TRPV4: variants seen among roughly 807,000 people sequenced by gnomAD.
The protein encoded by TRPV4 is OSM9-like transient receptor potential channel 4.
Under a neutral mutation model 84.1 loss-of-function variants are expected in TRPV4, and 58 were observed. The observed-to-expected ratio is 0.69, with a 90% confidence interval of 0.56 to 0.86. The LOEUF is 0.86. TRPV4 is among the 40% of genes least tolerant of loss of function. The pLI is 0.00. For synonymous variants in TRPV4, 489 were observed against 500.9 expected (o/e 0.98, Z 0.32); for missense variants, 879 against 1,181.1 (o/e 0.74, Z 3.75).
At position 109,794,405 on chromosome 12, in the gene TRPV4, T is replaced by C. The variant is rs1380163875; in HGVS notation, c.1415A>G (p.Tyr472Cys). ...ACACAGGTAGGAGACCACGTTGATG[T>C]AGAAGGAGACGGCCCCGAACTTGCG... ...KWRKFGAVSF[Y>C]INVVSYLCAM... is the part of the protein sequence containing the mutation. The change falls in exon 8 of 16, where the codon TAC (tyrosine) becomes TGC (cysteine). Residue 472 changes from tyrosine (Y) to cysteine (C), a missense_variant. By Grantham distance (194) the Tyr-to-Cys change is radical. This residue lies in a region of TRPV4 where 521 missense variants were observed against 686.6 expected (regional missense o/e 0.76). Transcript: ENST00000261740. The C allele has an allele frequency of 1.2e-6, 2 of 1,614,006 alleles. No homozygotes were observed. Among genetic ancestry groups the C allele is most frequent in the East Asian group, 2.2e-5 (1 of 44,858 alleles).
intron 1 of TRPV4, among the ~76,000 whole-genome samples, chr12:109,817,236 G>A (rs1891895058): frequency 6.6e-6 from 1 of 152,162 alleles, no homozygotes; most frequent in Non-Finnish European, 1.5e-5. Flanking sequence ...GGCATTGGCG[G>A]GAGGTGGATT....
chr12:109,832,139 G>A (rs1230534014), intron 1 of TRPV4, among the ~76,000 whole-genome samples: 1 of 152,164 alleles, frequency 6.6e-6, no homozygotes, highest in African/African-American at 2.4e-5. Flanking sequence ...GAACACAAAG[G>A]CTCAGACAGC....
rs1253906325 is a variant in TRPV4 at position 109,815,668 on chromosome 12, A to C, written c.-31-841T>G. On this transcript the variant is annotated intron_variant, in intron 1 of 15. Coordinates refer to ENST00000261740, the MANE Select transcript of TRPV4 (RefSeq NM_021625.5). This position sits in a 1 kb window ranked among gnomAD's most constrained non-coding sequence, Gnocchi z 4.1. Reference sequence around the variant, plus strand: ...CAGGATCCATGCTCCTCTCCTCAGAAGCTTTATCCCAGCTGTTCACGGGAT... The same window carrying C: ...CAGGATCCATGCTCCTCTCCTCAGACGCTTTATCCCAGCTGTTCACGGGAT... Among the ~76,000 whole-genome samples the C allele has an allele frequency of 6.6e-6, 1 of 152,176 alleles. No homozygotes were observed. The highest frequency in any genetic ancestry group is 1.5e-5 in the Non-Finnish European group (1 of 68,028).
intron 12 of TRPV4, among the ~76,000 whole-genome samples, 198 bp from the exon 13 acceptor site, chr12:109,788,914 C>G (rs183483766): frequency 1.8e-4 from 28 of 152,312 alleles, no homozygotes; most frequent in Non-Finnish European, 4.0e-4. Flanking sequence ...ACCTTTGAAG[C>G]CTTTCCATAA....
rs1341487156 is a variant in TRPV4, at chr12:109,798,523, A to C, written c.1152+91T>G. On this transcript the variant is annotated intron_variant, in intron 6 of 15. Transcript: ENST00000261740. The surrounding 1 kb of genome is among the most constrained non-coding windows in gnomAD (Gnocchi z 5.0). ...GGCATGTTGGGAGGTGCATGCACGTATTAATAATGAATACCAGCAGCAGAC... is the reference window on the plus strand; with the variant it reads ...GGCATGTTGGGAGGTGCATGCACGTCTTAATAATGAATACCAGCAGCAGAC... 1 of 1,521,228 alleles carries C rather than the reference A, an allele frequency of 6.6e-7. No homozygotes were observed. The highest frequency in any genetic ancestry group is 8.9e-7 in the Non-Finnish European group (1 of 1,117,958). The allele number at this position is 1,521,228 out of a possible 1,614,324, so 94.2% of individuals were successfully genotyped here. A position where few individuals can be genotyped will look rare whatever the true frequency, so the allele number is the denominator to read the frequency against.
In TRPV4 at chr12:109,783,640, G is replaced by A. The variant is rs1430606353; in HGVS notation, c.2597C>T (p.Thr866Ile). The change falls in exon 16 of 16, where the codon ACT becomes ATT. Residue 866 changes from threonine to isoleucine, a missense_variant. Around this residue, in one of 4 missense-constraint regions of TRPV4, gnomAD observed 242 missense variants for 355.3 expected, o/e 0.68. Coordinates refer to ENST00000261740, the MANE Select transcript of TRPV4 (RefSeq NM_021625.5). This position sits in a 1 kb window ranked among gnomAD's most constrained non-coding sequence, Gnocchi z 4.6. ...HQQGYPRKWR[T>I]DDAPL ...CAGTCCCTAGAGCGGGGCGTCATCA[G>A]TCCTCCACTTGCGGGGGTAACCCTG... 5 of 1,613,734 alleles carry A rather than the reference G, an allele frequency of 3.1e-6. No individual in the cohort carries two copies. The highest frequency in any genetic ancestry group is 4.2e-6 in the Non-Finnish European group (5 of 1,179,986).
chr12:109,792,522 T>C, intron 11 of TRPV4, 93 bp from the exon 12 acceptor site: 1 of 1,566,736 alleles, frequency 6.4e-7, no homozygotes, highest in African/African-American at 1.4e-5. Context: ...CCCACCCCAG[T>C]GTCCAGACCA....
chr12:109,804,494 T>C (rs1006875780), intron 3 of TRPV4, among the ~76,000 whole-genome samples: 24 of 152,182 alleles, frequency 1.6e-4, no homozygotes, highest in African/African-American at 5.8e-4. Flanking sequence ...AGCTAATCAG[T>C]GTTTGTTGAT....
intron 1 of TRPV4, among the ~76,000 whole-genome samples, chr12:109,824,530 C>T (rs993052400): frequency 7.9e-5 from 12 of 151,834 alleles, no homozygotes; most frequent in South Asian, 2.1e-4. Flanking sequence ...CCGAGGTGGG[C>T]GGATCACTTG....
chr12:109,801,070 T>C (rs1434727018), intron 4 of TRPV4, among the ~76,000 whole-genome samples: 26 of 152,192 alleles, frequency 1.7e-4, no homozygotes, highest in Admixed American at 1.5e-3. Context: ...TCCCAGCAAT[T>C]TGGGAGACCA....
Position 109,815,002 on chromosome 12 carries a change from G to A in TRPV4, c.-31-175C>T, listed in dbSNP as rs1891779936. The A allele has an allele frequency of 3.2e-6, 2 of 626,096 alleles. No homozygotes were observed. The highest frequency in any genetic ancestry group is 1.8e-5 in the African/African-American group (1 of 54,232). 38.8% of individuals were successfully genotyped at this position (626,096 alleles called of 1,614,324 possible). A position where few individuals can be genotyped will look rare whatever the true frequency, so the allele number is the denominator to read the frequency against. On this transcript the variant is annotated intron_variant, in intron 1 of 15. Transcript: ENST00000261740. This position sits in a 1 kb window ranked among gnomAD's most constrained non-coding sequence, Gnocchi z 4.1. ...GTGGTTGGCCGCCAGCCTCAGGCGG[G>A]AACTGCAACAGGAGCCTCTTTCACG...
chr12:109,808,536 TAGGGACCC>T (rs1891289918), intron 2 of TRPV4, 68 bp from the exon 3 acceptor site: 1 of 1,507,544 alleles, frequency 6.6e-7, no homozygotes, highest in African/African-American at 1.4e-5. Flanking sequence ...TCCCTGGCCT[TAGGGACCC>T]AGAGACTGTG....
Position 109,786,588 on chromosome 12 carries a change from G to T in TRPV4, c.2336+122C>A. On this transcript the variant is annotated intron_variant, in intron 14 of 15. Transcript: ENST00000261740. This position sits in a 1 kb window ranked among gnomAD's most constrained non-coding sequence, Gnocchi z 4.5. The stretch of plus-strand genomic sequence containing the variant: ...CCTGGTGGAAATGAACTCTGCTCGG[G>T]CCTCTTGGGGCCTCAGTGGCTCCAG... 1.5e-6 allele frequency: 2 copies of T among 1,302,478 alleles called. No individual in the cohort carries two copies. The highest frequency in any genetic ancestry group is 2.1e-6 in the Non-Finnish European group (2 of 931,652). The allele number at this position is 1,302,478 out of a possible 1,614,324, so 80.7% of individuals were successfully genotyped here. A position where few individuals can be genotyped will look rare whatever the true frequency, so the allele number is the denominator to read the frequency against.
chr12:109,822,047 G>T (rs1892117955), intron 1 of TRPV4, among the ~76,000 whole-genome samples: 1 of 152,156 alleles, frequency 6.6e-6, no homozygotes, highest in Non-Finnish European at 1.5e-5. Flanking sequence ...TCCTGATGGG[G>T]AGGGGGAAAG....
At position 109,796,363 on chromosome 12, in the gene TRPV4, C is replaced by A. The variant is rs531975692; in HGVS notation, c.1332+162G>T. On this transcript the variant is annotated intron_variant, in intron 7 of 15. Coordinates refer to ENST00000261740, the MANE Select transcript of TRPV4 (RefSeq NM_021625.5). This position sits in a 1 kb window ranked among gnomAD's most constrained non-coding sequence, Gnocchi z 4.2. ...ATTTCCTCACATGGCAGACACTGTT[C>A]TGGGCACTTAGTTGGCACCTTCTCT... 6.6e-6 allele frequency among the ~76,000 whole-genome samples: 1 copy of A among 152,282 alleles called. No homozygotes were observed. The highest frequency in any genetic ancestry group is 2.4e-5 in the African/African-American group (1 of 41,544).
At chr12:109,829,701 C>T (rs1892360660) in intron 1 of TRPV4, among the ~76,000 whole-genome samples, 1 of 152,212 alleles carries the variant, frequency 6.6e-6, no homozygotes, top group South Asian at 2.1e-4. Context: ...ATGAGAGTCC[C>T]TTTGACACAG....
At position 109,793,508 on chromosome 12, in the gene TRPV4, C is replaced by T. The variant is rs751791805; in HGVS notation, c.1658+19G>A. On this transcript the variant is annotated intron_variant, in intron 10 of 15. Transcript: ENST00000261740. The surrounding 1 kb of genome is among the most constrained non-coding windows in gnomAD (Gnocchi z 4.0). ...ACCTTCCTCACCCAGAAGCTGCCGG[C>T]CCAGGGACCTCTACTCACTAGAGCA... 5.0e-6 allele frequency: 8 copies of T among 1,610,700 alleles called. No individual in the cohort carries two copies. Among genetic ancestry groups the T allele is most frequent in the Non-Finnish European group, 6.8e-6 (8 of 1,177,046 alleles).
rs1890522251 is a variant in TRPV4, at chr12:109,798,108, A to G, written c.1152+506T>C. Among the ~76,000 whole-genome samples the G allele has an allele frequency of 6.6e-6, 1 of 152,072 alleles. No homozygotes were observed. The highest frequency in any genetic ancestry group is 2.4e-5 in the African/African-American group (1 of 41,390). On this transcript the variant is annotated intron_variant, in intron 6 of 15. Transcript: ENST00000261740. The surrounding 1 kb of genome is among the most constrained non-coding windows in gnomAD (Gnocchi z 5.0). Reference sequence around the variant, plus strand: ...TTTTGGTGGTCACAAGTGTAAGGGGAGGTGTTCCTGGCATCTGGTGGGTAG... The same window carrying G: ...TTTTGGTGGTCACAAGTGTAAGGGGGGGTGTTCCTGGCATCTGGTGGGTAG...
At chr12:109,825,122 G>A (rs1679079328) in intron 1 of TRPV4, among the ~76,000 whole-genome samples, 1 of 151,982 alleles carries the variant, frequency 6.6e-6, no homozygotes. Context: ...TGGGAGGATC[G>A]CTTGAGCCCA....
Sources: allele counts gnomAD v4.1 joint callset (sites outside exome capture counted in the v4.1 genomes callset), GRCh38; gene constraint gnomAD v4.1.1; regional missense constraint gnomAD v4.1.1; non-coding constraint Gnocchi (gnomAD v3.1); transcripts MANE v1.5; gene names NCBI Gene and HGNC (gene_info 2026-07-23, HGNC 2026-07-21).